Variants in SMYD2 observed in about 807,000 individuals in gnomAD.
SMYD2 encodes N-lysine methyltransferase SMYD2.
Under a neutral mutation model 59.1 loss-of-function variants are expected in SMYD2, and 53 were observed. The observed-to-expected ratio is 0.90, with a 90% CI of 0.72 to 1.13. The LOEUF (loss-of-function observed/expected upper bound fraction) is 1.13. SMYD2 is among the 50% of genes most tolerant of loss of function. The pLI, the probability that SMYD2 is intolerant of heterozygous loss-of-function variation, is 0.00. For synonymous variants in SMYD2, 208 were observed against 198.8 expected (o/e 1.05, Z -0.39); for missense variants, 494 against 544.7 (o/e 0.91, Z 0.93).
chr1:214,319,005 A>G, intron 5 of SMYD2, 22 bp downstream of exon 5: 3 of 1,612,686 alleles, frequency 1.9e-6, no homozygotes, highest in Non-Finnish European at 2.5e-6. Flanking sequence ...GGCAGCAGGT[A>G]ACACTCAGTC....
At chr1:214,327,494 A>C in intron 6 of SMYD2, 128 bp from the exon 7 acceptor site, 4 of 716,748 alleles carry the variant, frequency 5.6e-6, no homozygotes, top group East Asian at 5.1e-5. Context: ...TGTGATAGCC[A>C]ACTATTAGAT....
intron 1 of SMYD2, among the ~76,000 whole-genome samples, chr1:214,285,576 C>T (rs1330747110): frequency 6.6e-6 from 1 of 152,168 alleles, no homozygotes; most frequent in African/African-American, 2.4e-5. Flanking sequence ...AAGACTAAAA[C>T]ATACATACAA....
intron 9 of SMYD2, 158 bp downstream of exon 9, chr1:214,331,228 A>G (rs1166305025): frequency 1.9e-6 from 2 of 1,032,492 alleles, no homozygotes; most frequent in Non-Finnish European, 2.7e-6. Flanking sequence ...GACCACCCAC[A>G]ATGTGGTGTC....
chr1:214,289,988 C>T (rs899234208), intron 1 of SMYD2, among the ~76,000 whole-genome samples: 1 of 152,238 alleles, frequency 6.6e-6, no homozygotes, highest in African/African-American at 2.4e-5. Context: ...GAAGTACCTG[C>T]CTTTTCAGGG....
At chr1:214,303,467 G>A (rs1040355696) in intron 1 of SMYD2, among the ~76,000 whole-genome samples, 2 of 152,110 alleles carry the variant, frequency 1.3e-5, no homozygotes, top group Admixed American at 1.3e-4. Flanking sequence ...GGGGATAGGG[G>A]GAGTATTTTA....
At chr1:214,311,187 T>C (rs1284440906) in intron 2 of SMYD2, among the ~76,000 whole-genome samples, 1 of 152,226 alleles carries the variant, frequency 6.6e-6, no homozygotes, top group East Asian at 1.9e-4. Flanking sequence ...TCCCTGCCTC[T>C]AGGGTCAGTT....
At chr1:214,307,032 G>A (rs1408170333) in intron 2 of SMYD2, among the ~76,000 whole-genome samples, 2 of 152,228 alleles carry the variant, frequency 1.3e-5, no homozygotes, top group African/African-American at 4.8e-5. Flanking sequence ...AATTAGCCAG[G>A]CGTGGTGGCG....
At chr1:214,295,194 T>G (rs1022092732) in intron 1 of SMYD2, among the ~76,000 whole-genome samples, 5 of 152,322 alleles carry the variant, frequency 3.3e-5, no homozygotes, top group Admixed American at 1.3e-4. Context: ...GCACAAAAGT[T>G]AAGACAGAGC....
At position 214,299,542 on chromosome 1, in the gene SMYD2, T is replaced by C. The variant is rs1047781603; in HGVS notation, c.174-5645T>C. Among the ~76,000 whole-genome samples the C allele has an allele frequency of 2.6e-5, 4 of 151,146 alleles. No individual in the cohort carries two copies. In the East Asian group the frequency reaches 5.8e-4, roughly 22 times the overall value. ...TGAAATTATGTCTTTTGCAGCAACATAGTTGCAGCTGGAGGCCCTTATCCT... is the reference window on the plus strand; with the variant it reads ...TGAAATTATGTCTTTTGCAGCAACACAGTTGCAGCTGGAGGCCCTTATCCT... On this transcript the variant is annotated intron_variant, in intron 1 of 11. Coordinates refer to ENST00000366957, the MANE Select transcript of SMYD2 (RefSeq NM_020197.3).
At chr1:214,300,541 A>T (rs1389781407) in intron 1 of SMYD2, among the ~76,000 whole-genome samples, 2 of 152,170 alleles carry the variant, frequency 1.3e-5, no homozygotes, top group African/African-American at 4.8e-5. Flanking sequence ...CATTAATGGG[A>T]TACCACTGGA....
At chr1:214,285,535 T>A (rs1442881873) in intron 1 of SMYD2, among the ~76,000 whole-genome samples, 2 of 152,226 alleles carry the variant, frequency 1.3e-5, no homozygotes, top group African/African-American at 4.8e-5. Context: ...TTCCCCTTCT[T>A]TTTTAGATGT....
At chr1:214,282,442 C>T (rs1656466265) in intron 1 of SMYD2, among the ~76,000 whole-genome samples, 1 of 152,200 alleles carries the variant, frequency 6.6e-6, no homozygotes, top group African/African-American at 2.4e-5. Context: ...AAGTTTATAT[C>T]AGGCCTTCCA....
intron 3 of SMYD2, among the ~76,000 whole-genome samples, chr1:214,317,525 C>T (rs1198866365): frequency 1.3e-5 from 2 of 152,232 alleles, no homozygotes; most frequent in African/African-American, 2.4e-5. Flanking sequence ...CAAGTTTATT[C>T]ATGTTCTCAA....
At chr1:214,298,334 G>C (rs1216135093) in intron 1 of SMYD2, among the ~76,000 whole-genome samples, 1 of 152,184 alleles carries the variant, frequency 6.6e-6, no homozygotes, top group South Asian at 2.1e-4. Context: ...ATGGTGCTGG[G>C]ATGACTGGCT....
At chr1:214,285,031 ACCAGGAAAGCCCATTTAGCCT>A (rs1365959135) in intron 1 of SMYD2, among the ~76,000 whole-genome samples, 5 of 152,256 alleles carry the variant, frequency 3.3e-5, no homozygotes, top group African/African-American at 7.2e-5. Context: ...TGTAGGGGGA[ACCAGGAAAGCCCATTTAGCCT>A]CCTTGGAATA....
At chr1:214,329,458 T>C (rs769406080) in intron 7 of SMYD2, among the ~76,000 whole-genome samples, 7 of 152,146 alleles carry the variant, frequency 4.6e-5, no homozygotes, top group Non-Finnish European at 7.4e-5. Context: ...TAAATGCTGG[T>C]CTCCTCCATA....
chr1:214,307,796 G>A (rs1355209613), intron 2 of SMYD2, among the ~76,000 whole-genome samples: 1 of 152,210 alleles, frequency 6.6e-6, no homozygotes, highest in African/African-American at 2.4e-5. Context: ...AGCGTGCAAT[G>A]AGGGGTGTCC....
chr1:214,308,893 A>G (rs1218744929), intron 2 of SMYD2, among the ~76,000 whole-genome samples: 1 of 152,190 alleles, frequency 6.6e-6, no homozygotes, highest in East Asian at 1.9e-4. Flanking sequence ...AGGGCCCTCT[A>G]GGAAAGGAGG....
chr1:214,335,078 C>T (rs1302332283), intron 11 of SMYD2, among the ~76,000 whole-genome samples: 2 of 152,216 alleles, frequency 1.3e-5, no homozygotes, highest in East Asian at 3.8e-4. Flanking sequence ...ATGTGGAATT[C>T]ACAGTCAATA....
Sources: allele counts gnomAD v4.1 joint callset (sites outside exome capture counted in the v4.1 genomes callset), GRCh38; gene constraint gnomAD v4.1.1; transcripts MANE v1.5; gene names NCBI Gene and HGNC (gene_info 2026-07-23, HGNC 2026-07-21).